ATXN7: variants seen among roughly 807,000 people sequenced by gnomAD.
The protein encoded by ATXN7 is ataxin-7.
ATXN7 carries 12 observed loss-of-function variants against 70.5 expected under a neutral mutation model. The observed-to-expected ratio is 0.17, with a 90% CI of 0.11 to 0.28. ATXN7 has a LOEUF of 0.28. ATXN7 is among the 10% of genes least tolerant of loss of function. The pLI is 1.00. For missense variants in ATXN7, 1,256 were observed against 1,131.7 expected (o/e 1.11, Z -1.58); for synonymous variants, 498 against 448.7 (o/e 1.11, Z -1.39).
At chr3:63,895,828 T>C (rs557380682) in intron 1 of ATXN7, among the ~76,000 whole-genome samples, 1 of 152,226 alleles carries the variant, frequency 6.6e-6, no homozygotes, top group Non-Finnish European at 1.5e-5. Flanking sequence ...TCTTGTTTTT[T>C]CTCCTGGGGG....
chr3:63,950,818 A>T (rs2074941112), intron 4 of ATXN7, among the ~76,000 whole-genome samples: 1 of 152,188 alleles, frequency 6.6e-6, no homozygotes, highest in Non-Finnish European at 1.5e-5. Context: ...TAGTCACAGA[A>T]GTCTGTAGTC....
At chr3:63,936,641 CA>C (rs1245627716) in intron 4 of ATXN7, among the ~76,000 whole-genome samples, 1 of 152,130 alleles carries the variant, frequency 6.6e-6, no homozygotes, top group Non-Finnish European at 1.5e-5. Flanking sequence ...TGAGGTGGGG[CA>C]TACAGGATCC....
intron 5 of ATXN7, among the ~76,000 whole-genome samples, chr3:63,974,566 C>T (rs984047488): frequency 6.6e-6 from 1 of 152,248 alleles, no homozygotes; most frequent in Non-Finnish European, 1.5e-5. Context: ...GGACAACTGA[C>T]TTGAGTCCTT....
rs547789516 is a variant in ATXN7 at position 63,939,826 on chromosome 3, G to T, written c.395-12553G>T. 5.9e-5 allele frequency among the ~76,000 whole-genome samples: 9 copies of T among 152,218 alleles called. No homozygotes were observed. The South Asian group carries it at 1.9e-3, about 32-fold the overall frequency. ...GCAGCCACTGGAGGGGACAGAATGG[G>T]TTTGGAACTCCCCCAAAGCCTTATT... is the stretch of plus-strand genomic sequence containing the variant. On this transcript the variant is annotated intron_variant, in intron 4 of 12. Coordinates refer to ENST00000674280, the MANE Select transcript of ATXN7 (RefSeq NM_001377405.1).
intron 1 of ATXN7, among the ~76,000 whole-genome samples, chr3:63,872,518 G>T (rs1315379989): frequency 1.3e-5 from 2 of 152,158 alleles, no homozygotes; most frequent in African/African-American, 4.8e-5. Flanking sequence ...TTCCAGGAGG[G>T]TGAGAACTGC....
At chr3:63,998,200 AGGG>A in intron 12 of ATXN7, 1 of 563,280 alleles carries the variant, frequency 1.8e-6, no homozygotes, top group Non-Finnish European at 2.1e-6. Context: ...AAAGGACAGA[AGGG>A]GGGGGGGCCA....
At chr3:63,939,344 C>T (rs949951059) in intron 4 of ATXN7, among the ~76,000 whole-genome samples, 5 of 152,160 alleles carry the variant, frequency 3.3e-5, no homozygotes, top group African/African-American at 9.7e-5. Flanking sequence ...CATCTCACTG[C>T]CATCCCCATG....
chr3:63,922,421 C>T lies in ATXN7; in HGVS notation c.394+9196C>T, dbSNP rs940136180. On this transcript the variant is annotated intron_variant, in intron 4 of 12. Transcript: ENST00000674280. ...TTCTTAGTTCCTCCTTTAGCCACCT[C>T]TTTGACTTGCAGAGAGAAGCATGAT... Among the ~76,000 whole-genome samples, 38 of 152,318 alleles carry T rather than the reference C, an allele frequency of 2.5e-4. 1 individual carries two copies. The highest frequency in any genetic ancestry group is 7.5e-4 in the African/African-American group (31 of 41,574).
intron 5 of ATXN7, chr3:63,967,632 T>A (rs905211827): frequency 1.2e-5 from 6 of 497,072 alleles, no homozygotes; most frequent in Non-Finnish European, 3.0e-6. Flanking sequence ...GTTAAACTTA[T>A]AAATTCCATC....
At chr3:63,974,216 C>A (rs1207376286) in intron 5 of ATXN7, among the ~76,000 whole-genome samples, 2 of 152,138 alleles carry the variant, frequency 1.3e-5, no homozygotes, top group Non-Finnish European at 2.9e-5. Context: ...TTAGCAACTT[C>A]CAAAATGGAA....
intron 1 of ATXN7, among the ~76,000 whole-genome samples, chr3:63,870,519 G>C (rs566256470): frequency 8.5e-5 from 13 of 152,266 alleles, no homozygotes; most frequent in African/African-American, 2.4e-4. Context: ...CAGTCAATAA[G>C]TTTTTATTAG....
At chr3:63,990,479 C>T (rs144217683) in intron 10 of ATXN7, 105 bp downstream of exon 10, 237 of 1,404,516 alleles carry the variant, frequency 1.7e-4, no homozygotes, top group Non-Finnish European at 2.2e-4. Context: ...GTGTGGGACG[C>T]GGTCAAGGTG....
chr3:63,867,335 CT>C lies in ATXN7; in HGVS notation c.-111+3179del, dbSNP rs529668144. Among the ~76,000 whole-genome samples the C allele has an allele frequency of 8.5e-5, 13 of 152,100 alleles. No homozygotes were observed. The South Asian group carries it at 1.0e-3, about 12-fold the overall frequency. ...AAGTTAGAATTCTTTTCTTTTCTTTCTTCTTTTTTCCTTTTTCTTTTGAAAC... is the reference window on the plus strand; with the variant it reads ...AAGTTAGAATTCTTTTCTTTTCTTTCTCTTTTTTCCTTTTTCTTTTGAAAC... On this transcript the variant is annotated intron_variant, in intron 1 of 12. Coordinates refer to ENST00000674280, the MANE Select transcript of ATXN7 (RefSeq NM_001377405.1).
intron 4 of ATXN7, among the ~76,000 whole-genome samples, chr3:63,930,310 G>C (rs1704897707): frequency 6.6e-6 from 1 of 152,072 alleles, no homozygotes; most frequent in Non-Finnish European, 1.5e-5. Flanking sequence ...AGAGTGAGTA[G>C]GGAATATACC....
At chr3:63,927,436 A>C (rs1001305883) in intron 4 of ATXN7, among the ~76,000 whole-genome samples, 1 of 152,162 alleles carries the variant, frequency 6.6e-6, no homozygotes, top group Non-Finnish European at 1.5e-5. Flanking sequence ...CCGGAGGGGG[A>C]AAACAGTATA....
At chr3:63,962,613 CAGGCTGGTCT>C (rs1479005326) in intron 5 of ATXN7, among the ~76,000 whole-genome samples, 2 of 151,996 alleles carry the variant, frequency 1.3e-5, no homozygotes, top group Non-Finnish European at 2.9e-5. Flanking sequence ...CCATGTTGGC[CAGGCTGGTCT>C]TGAACTCCTG....
chr3:64,000,409 TG>T lies in ATXN7; in HGVS notation c.*944del, dbSNP rs1276224377. On this transcript the variant is annotated 3_prime_UTR_variant, in exon 13 of 13. Coordinates refer to ENST00000674280, the MANE Select transcript of ATXN7 (RefSeq NM_001377405.1). ...TAGTAAACAGTATGGCAGATTGGGT[TG>T]GTTGTCCTACCTGGTCTATTTTTAA... The T allele has an allele frequency of 6.6e-6, 1 of 152,604 alleles. No individual in the cohort carries two copies. Among genetic ancestry groups the T allele is most frequent in the Non-Finnish European group, 1.5e-5 (1 of 68,022 alleles). The allele number at this position is 152,604 out of a possible 1,614,324, so 9.5% of individuals were successfully genotyped here.
At chr3:63,866,705 G>A (rs1386987023) in intron 1 of ATXN7, 2 of 152,046 alleles carry the variant, frequency 1.3e-5, no homozygotes, top group Non-Finnish European at 2.9e-5. Flanking sequence ...TCATCATATC[G>A]TATATCTCAT....
chr3:63,920,735 A>G (rs774526545), intron 4 of ATXN7, among the ~76,000 whole-genome samples: 2 of 152,156 alleles, frequency 1.3e-5, no homozygotes, highest in Non-Finnish European at 2.9e-5. Context: ...GGGCTTTTTA[A>G]AAAAAGATTA....
Sources: allele counts gnomAD v4.1 joint callset (sites outside exome capture counted in the v4.1 genomes callset), GRCh38; gene constraint gnomAD v4.1.1; transcripts MANE v1.5; gene names NCBI Gene and HGNC (gene_info 2026-07-23, HGNC 2026-07-21).